Variants in FOXP1 observed in about 807,000 individuals in gnomAD.
FOXP1 encodes the protein forkhead box protein P1.
FOXP1 carries 15 observed loss-of-function variants against 98.2 expected under a neutral mutation model. The ratio of observed to expected loss-of-function variants is 0.15; its 90% CI spans 0.10 to 0.24. The LOEUF (loss-of-function observed/expected upper bound fraction) is 0.24. Ranked by LOEUF, FOXP1 falls within the 10% of genes least tolerant of loss-of-function variation. The pLI, the probability that FOXP1 is intolerant of heterozygous loss-of-function variation, is 1.00. For missense variants in FOXP1, 633 were observed against 848.5 expected (o/e 0.75, Z 3.15); for synonymous variants, 371 against 314.5 (o/e 1.18, Z -1.90).
At chr3:71,241,389 G>A (rs115383160) in intron 5 of FOXP1, among the ~76,000 whole-genome samples, 57 of 152,256 alleles carry the variant, frequency 3.7e-4, no homozygotes, top group African/African-American at 1.3e-3. Flanking sequence ...ACTTAGGGGC[G>A]AGTGGAGAGC....
At chr3:71,454,649 G>A (rs995396590) in intron 3 of FOXP1, among the ~76,000 whole-genome samples, 1 of 152,198 alleles carries the variant, frequency 6.6e-6, no homozygotes, top group East Asian at 1.9e-4. Flanking sequence ...TGCACCTCAA[G>A]GTATGAGGAG....
chr3:71,399,714 G>A (rs1490998510), intron 3 of FOXP1, among the ~76,000 whole-genome samples: 1 of 152,114 alleles, frequency 6.6e-6, no homozygotes, highest in Admixed American at 6.5e-5. Context: ...CCTGAAATAT[G>A]TAAGTAAAAT....
Position 71,047,225 on chromosome 3 carries a change from G to C in FOXP1, c.511-130C>G, listed in dbSNP as rs1257446057. 15 of 1,071,158 alleles carry C rather than the reference G, an allele frequency of 1.4e-5. No homozygotes were observed. In the East Asian group the frequency reaches 3.7e-4, roughly 26 times the overall value. 66.4% of individuals were successfully genotyped at this position (1,071,158 alleles called of 1,614,324 possible). A position where few individuals can be genotyped will look rare whatever the true frequency, so the allele number is the denominator to read the frequency against. On this transcript the variant is annotated intron_variant, in intron 9 of 20. Transcript: ENST00000649528. The stretch of plus-strand genomic sequence containing the variant: ...ACTGGAGCTCAGTGGAGGGCTCCGT[G>C]TCAAGGTTTAAAAGGGACAAAGCAT...
At chr3:71,088,855 A>G (rs997313950) in intron 7 of FOXP1, among the ~76,000 whole-genome samples, 1 of 152,182 alleles carries the variant, frequency 6.6e-6, no homozygotes, top group Non-Finnish European at 1.5e-5. Context: ...CAAATACCTT[A>G]GTGCAGTTCA....
intron 12 of FOXP1, among the ~76,000 whole-genome samples, chr3:71,010,280 A>G (rs1053521149): frequency 2.6e-5 from 4 of 152,162 alleles, no homozygotes; most frequent in African/African-American, 9.7e-5. Flanking sequence ...ATAATGCAGC[A>G]GTTAAGAATA....
chr3:71,246,551 C>T (rs948138803), intron 5 of FOXP1, among the ~76,000 whole-genome samples: 1 of 152,082 alleles, frequency 6.6e-6, no homozygotes, highest in Non-Finnish European at 1.5e-5. Context: ...AACCTAAAAC[C>T]CCTGCAACTC....
intron 5 of FOXP1, among the ~76,000 whole-genome samples, chr3:71,227,867 G>A (rs1357433840): frequency 6.6e-6 from 1 of 152,008 alleles, no homozygotes; most frequent in African/African-American, 2.4e-5. Context: ...GTGCCTTCTG[G>A]GCTAGTCCAA....
At chr3:71,119,784 G>A (rs1418307854) in intron 6 of FOXP1, among the ~76,000 whole-genome samples, 1 of 152,046 alleles carries the variant, frequency 6.6e-6, no homozygotes, top group Non-Finnish European at 1.5e-5. Flanking sequence ...AGGAATTAAG[G>A]GTTGTGACTG....
intron 5 of FOXP1, among the ~76,000 whole-genome samples, chr3:71,246,068 G>T (rs1455450273): frequency 1.3e-5 from 2 of 151,930 alleles, no homozygotes; most frequent in Non-Finnish European, 2.9e-5. Flanking sequence ...GATAAGGAGG[G>T]TAACAATGCT....
At chr3:71,413,882 C>G (rs1183384967) in intron 3 of FOXP1, among the ~76,000 whole-genome samples, 13 of 151,922 alleles carry the variant, frequency 8.6e-5, no homozygotes, top group Admixed American at 8.5e-4. Flanking sequence ...TCTTTTATCT[C>G]TCATTTAAGC....
At chr3:71,081,496 G>T (rs977394959) in intron 7 of FOXP1, among the ~76,000 whole-genome samples, 1 of 152,054 alleles carries the variant, frequency 6.6e-6, no homozygotes, top group East Asian at 1.9e-4. Flanking sequence ...ACCGAGACCA[G>T]AACCTAAAAC....
At chr3:71,045,786 C>T (rs2048946100) in intron 10 of FOXP1, among the ~76,000 whole-genome samples, 1 of 152,174 alleles carries the variant, frequency 6.6e-6, no homozygotes, top group Admixed American at 6.5e-5. Flanking sequence ...AGACATGCTT[C>T]CCTGACTTCA....
chr3:71,409,944 G>A (rs2082615700), intron 3 of FOXP1, among the ~76,000 whole-genome samples: 1 of 152,162 alleles, frequency 6.6e-6, no homozygotes, highest in Non-Finnish European at 1.5e-5. Context: ...GAGACCCAGA[G>A]GTCAAGGGTG....
At chr3:71,571,225 T>C (rs2047317542) in intron 2 of FOXP1, 1 of 152,200 alleles carries the variant, frequency 6.6e-6, no homozygotes, top group African/African-American at 2.4e-5. Context: ...AGATTCTAAG[T>C]TACAAGTATT....
chr3:71,145,313 G>T (rs1192374588), intron 6 of FOXP1, among the ~76,000 whole-genome samples: 2 of 151,934 alleles, frequency 1.3e-5, no homozygotes, highest in Non-Finnish European at 2.9e-5. Context: ...AAGGCAGGTG[G>T]ATCACCTGAG....
At chr3:71,430,678 C>T (rs1319688282) in intron 3 of FOXP1, among the ~76,000 whole-genome samples, 2 of 152,124 alleles carry the variant, frequency 1.3e-5, no homozygotes, top group African/African-American at 4.8e-5. Flanking sequence ...TTCAAGCTCC[C>T]AGACTTATCC....
intron 2 of FOXP1, among the ~76,000 whole-genome samples, chr3:71,532,445 C>T (rs1201322461): frequency 6.6e-6 from 1 of 152,110 alleles, no homozygotes; most frequent in Non-Finnish European, 1.5e-5. Flanking sequence ...GTGGATGGTC[C>T]CACAAACCAA....
intron 11 of FOXP1, among the ~76,000 whole-genome samples, chr3:71,025,864 C>T (rs981172542): frequency 5.3e-5 from 8 of 152,210 alleles, no homozygotes; most frequent in Admixed American, 1.3e-4. Flanking sequence ...TAAGTATCTT[C>T]TAAGCCTGGT....
chr3:71,182,256 G>C (rs1306416160), intron 6 of FOXP1, among the ~76,000 whole-genome samples: 2 of 152,034 alleles, frequency 1.3e-5, no homozygotes, highest in African/African-American at 2.4e-5. Context: ...AAAACTTAAA[G>C]ACATTATGGG....
Sources: allele counts gnomAD v4.1 joint callset (sites outside exome capture counted in the v4.1 genomes callset), GRCh38; gene constraint gnomAD v4.1.1; transcripts MANE v1.5; gene names NCBI Gene and HGNC (gene_info 2026-07-23, HGNC 2026-07-21).